Variants in RPS6KA2 observed in about 807,000 individuals in gnomAD.
The protein encoded by RPS6KA2 is ribosomal protein S6 kinase A2.
RPS6KA2 carries 42 observed loss-of-function variants against 91.8 expected under a neutral mutation model. That is an observed-to-expected ratio of 0.46 (90% CI 0.36 to 0.59). RPS6KA2 has a LOEUF of 0.59. RPS6KA2 is among the 20% of genes least tolerant of loss of function. The pLI, the probability that RPS6KA2 is intolerant of heterozygous loss-of-function variation, is 0.00. For synonymous variants in RPS6KA2, 414 were observed against 393.6 expected (o/e 1.05, Z -0.61); for missense variants, 798 against 978.5 (o/e 0.82, Z 2.46).
chr6:166,615,247 G>A (rs1469515127), intron 1 of RPS6KA2, among the ~76,000 whole-genome samples: 1 of 152,124 alleles, frequency 6.6e-6, no homozygotes, highest in African/African-American at 2.4e-5. Flanking sequence ...ATGTTCCACT[G>A]GGGGCTGAGC....
chr6:166,558,016 GTGTA>G (rs1784227115), intron 1 of RPS6KA2, among the ~76,000 whole-genome samples: 1 of 151,934 alleles, frequency 6.6e-6, no homozygotes, highest in Admixed American at 6.6e-5. Flanking sequence ...ATATATAGGT[GTGTA>G]TGTATGTGTA....
intron 1 of RPS6KA2, among the ~76,000 whole-genome samples, chr6:166,551,689 G>C (rs1273762420): frequency 6.6e-6 from 1 of 151,470 alleles, no homozygotes; most frequent in African/African-American, 2.4e-5. Flanking sequence ...GAAGCATTTT[G>C]TTAAAAAAAA....
intron 2 of RPS6KA2, among the ~76,000 whole-genome samples, chr6:166,703,177 T>C (rs903946670): frequency 9.2e-5 from 14 of 152,256 alleles, no homozygotes; most frequent in African/African-American, 3.1e-4. Context: ...TTATCACCTA[T>C]GTTATAATTT....
chr6:166,769,192 T>C (rs1778399760), intron 2 of RPS6KA2, among the ~76,000 whole-genome samples: 1 of 152,166 alleles, frequency 6.6e-6, no homozygotes, highest in Non-Finnish European at 1.5e-5. Flanking sequence ...ACACCCAGTA[T>C]TGGAACGCAT....
intron 10 of RPS6KA2, among the ~76,000 whole-genome samples, chr6:166,473,836 G>A (rs1173230481): frequency 6.6e-6 from 1 of 151,748 alleles, no homozygotes; most frequent in African/African-American, 2.4e-5. Flanking sequence ...ACCATGTCCA[G>A]CCTATAACCA....
At chr6:166,687,378 A>G (rs1224589957) in intron 2 of RPS6KA2, among the ~76,000 whole-genome samples, 1 of 152,208 alleles carries the variant, frequency 6.6e-6, no homozygotes, top group Non-Finnish European at 1.5e-5. Context: ...CTGAGTGTCC[A>G]TGGTGCTGTG....
At chr6:166,844,012 T>TA (rs3046210) in intron 2 of RPS6KA2, among the ~76,000 whole-genome samples, 2,588 of 148,606 alleles carry the variant, frequency 0.017, 66 homozygotes, top group African/African-American at 0.054. Flanking sequence ...CTTAAAGAAA[T>TA]AAAAAAAAAC....
At chr6:166,504,683 ACT>A (rs1782136068) in intron 5 of RPS6KA2, 71 bp from the exon 6 acceptor site, 1 of 1,113,936 alleles carries the variant, frequency 9.0e-7, no homozygotes, top group Admixed American at 1.9e-5. Flanking sequence ...GTTTTAAAGA[ACT>A]CTGCCAGAGA....
chr6:166,770,835 AAAAC>A lies in RPS6KA2; in HGVS notation c.123+87361_123+87364del. 3 of 1,566,712 alleles carry A rather than the reference AAAAC, an allele frequency of 1.9e-6. No homozygotes were observed. Among genetic ancestry groups the A allele is most frequent in the Non-Finnish European group, 2.6e-6 (3 of 1,171,114 alleles). Reference sequence around the variant, plus strand: ...AATGTAACTCACATAAGCATGGAAAAAAACAAACCCACAGGAACGCTTCTTACCT... The same window carrying A: ...AATGTAACTCACATAAGCATGGAAAAAAACCCACAGGAACGCTTCTTACCT... On this transcript the variant is annotated intron_variant, in intron 2 of 21. Transcript: ENST00000503859. This position sits in a 1 kb window ranked among gnomAD's most constrained non-coding sequence, Gnocchi z 5.1.
intron 1 of RPS6KA2, chr6:166,586,402 A>G: frequency 6.9e-6 from 11 of 1,599,526 alleles, no homozygotes; most frequent in Non-Finnish European, 9.3e-6. Flanking sequence ...TATTCCTGAT[A>G]CTCCTTGTCA....
chr6:166,471,022 G>A (rs1408066634), intron 10 of RPS6KA2, among the ~76,000 whole-genome samples: 4 of 152,136 alleles, frequency 2.6e-5, no homozygotes, highest in Non-Finnish European at 5.9e-5. Context: ...CCGGGCCCAG[G>A]GCTGGGGAGG....
At chr6:166,716,421 C>G (rs1321290536) in intron 2 of RPS6KA2, among the ~76,000 whole-genome samples, 9 of 152,202 alleles carry the variant, frequency 5.9e-5, no homozygotes. Flanking sequence ...CCCATCCTGG[C>G]CAGGACATCA....
chr6:166,696,160 C>T (rs1002411994), intron 2 of RPS6KA2, among the ~76,000 whole-genome samples: 1 of 152,128 alleles, frequency 6.6e-6, no homozygotes, highest in East Asian at 1.9e-4. Context: ...GGGGAAGAGC[C>T]GGAGTGGGAT....
chr6:166,539,187 G>A (rs765038243), intron 1 of RPS6KA2, among the ~76,000 whole-genome samples: 24 of 152,192 alleles, frequency 1.6e-4, no homozygotes, highest in Non-Finnish European at 2.9e-4. Context: ...CAAAGTGCTG[G>A]GGTTACAGGC....
intron 3 of RPS6KA2, among the ~76,000 whole-genome samples, chr6:166,511,789 A>T (rs992207387): frequency 2.6e-5 from 4 of 152,238 alleles, no homozygotes; most frequent in African/African-American, 7.2e-5. Context: ...ATAAAAAGAA[A>T]ATAGAAAATT....
chr6:166,697,577 C>A (rs1789393366), intron 2 of RPS6KA2, among the ~76,000 whole-genome samples: 1 of 152,202 alleles, frequency 6.6e-6, no homozygotes, highest in Non-Finnish European at 1.5e-5. Flanking sequence ...CAAACAAGAA[C>A]CACACCCTAA....
intron 2 of RPS6KA2, among the ~76,000 whole-genome samples, chr6:166,774,490 C>CCTG (rs1337740837): frequency 6.6e-6 from 1 of 152,106 alleles, no homozygotes; most frequent in Non-Finnish European, 1.5e-5. Context: ...TGTGACTGTC[C>CCTG]CTGCTGCTGC....
chr6:166,737,041 C>T lies in RPS6KA2; in HGVS notation c.123+121159G>A, dbSNP rs1195254892. On this transcript the variant is annotated intron_variant, in intron 2 of 21. Transcript: ENST00000503859. This position sits in a 1 kb window ranked among gnomAD's most constrained non-coding sequence, Gnocchi z 4.3. ...AAAGGGGGCAGGAAGGGAAAGAGAG[C>T]GGCAAAGCGCATGGAGCCTACGCTT... 2.6e-5 allele frequency among the ~76,000 whole-genome samples: 4 copies of T among 152,162 alleles called. No homozygotes were observed. The highest frequency in any genetic ancestry group is 4.8e-5 in the African/African-American group (2 of 41,440).
intron 2 of RPS6KA2, among the ~76,000 whole-genome samples, chr6:166,653,998 C>T (rs1429130523): frequency 6.6e-6 from 1 of 152,242 alleles, no homozygotes; most frequent in Admixed American, 6.5e-5. Flanking sequence ...CTGAGCAGAA[C>T]TCCCCAAAGA....
Sources: gnomAD v4.1 joint callset for allele counts (sites outside exome capture counted in the v4.1 genomes callset) on GRCh38, gnomAD v4.1.1 for gene constraint, Gnocchi (gnomAD v3.1) non-coding constraint, MANE v1.5 for transcripts, NCBI Gene and HGNC (gene_info 2026-07-23, HGNC 2026-07-21) for gene names.